TRIM24: variants seen among roughly 807,000 people sequenced by gnomAD.
The protein encoded by TRIM24 is transcription intermediary factor 1-alpha.
In TRIM24, 29 loss-of-function variants were observed where a neutral mutation model predicts 123.9. The ratio of observed to expected loss-of-function variants is 0.23; its 90% CI spans 0.17 to 0.32. TRIM24 has a LOEUF of 0.32. Among genes scored for constraint, TRIM24 ranks in the 10% least tolerant of loss-of-function variants. The probability of loss-of-function intolerance (pLI) is 1.00; values close to 1 mark genes in which losing one functional copy is unlikely to be tolerated. For synonymous variants in TRIM24, 456 were observed against 461.1 expected (o/e 0.99, Z 0.14); for missense variants, 932 against 1,295.3 (o/e 0.72, Z 4.31).
intron 2 of TRIM24, among the ~76,000 whole-genome samples, chr7:138,513,460 CA>C (rs1796330421): frequency 6.6e-6 from 1 of 152,130 alleles, no homozygotes; most frequent in South Asian, 2.1e-4. Flanking sequence ...CATGGTTCTT[CA>C]GGCTGTACAG....
rs569363208 is a variant in TRIM24, at chr7:138,536,728, A to G, written c.997-1929A>G. On this transcript the variant is annotated intron_variant, in intron 6 of 18. Coordinates refer to ENST00000343526, the MANE Select transcript of TRIM24 (RefSeq NM_015905.3). ...CAAACTCCGTGCTAGGAGAACCACT[A>G]CTCTCTTCAAAGCTGTCAGACAGGG... 8.6e-5 allele frequency among the ~76,000 whole-genome samples: 13 copies of G among 151,860 alleles called. No individual in the cohort carries two copies. The East Asian group carries it at 2.1e-3, about 25-fold the overall frequency.
chr7:138,560,552 T>C (rs1445928968), intron 9 of TRIM24, among the ~76,000 whole-genome samples: 3 of 152,122 alleles, frequency 2.0e-5, no homozygotes, highest in Non-Finnish European at 4.4e-5. Context: ...TTGCCGTGGG[T>C]TGTTCTGGGC....
rs377498624 is a variant in TRIM24 at position 138,524,774 on chromosome 7, G to A, written c.765-467G>A. On this transcript the variant is annotated intron_variant, in intron 4 of 18. Coordinates refer to ENST00000343526, the MANE Select transcript of TRIM24 (RefSeq NM_015905.3). ...CTGTTGCTTAAAAGTTTTATTACAA[G>A]GCATAACATCAAGAATTTTGCCCTT... 2.0e-4 allele frequency among the ~76,000 whole-genome samples: 31 copies of A among 152,078 alleles called. No homozygotes were observed. In the South Asian group the frequency reaches 4.6e-3, roughly 22 times the overall value.
In TRIM24 at chr7:138,589,795, A is replaced by T. The variant is rs559539926; in HGVS notation, c.*4844A>T. ...ATTTAGCTATGTTAATTCCACTTGT[A>T]AAGTTTGAAAGGTTTTGATTCTTGT... On this transcript the variant is annotated 3_prime_UTR_variant, in exon 19 of 19. Coordinates refer to ENST00000343526, the MANE Select transcript of TRIM24 (RefSeq NM_015905.3). 2 of 152,266 alleles carry T rather than the reference A, an allele frequency of 1.3e-5. No individual in the cohort carries two copies. The highest frequency in any genetic ancestry group is 4.1e-4 in the South Asian group (2 of 4,820). The allele number at this position is 152,266 out of a possible 1,614,324, so 9.4% of individuals were successfully genotyped here.
At chr7:138,488,453 T>C (rs962645380) in intron 1 of TRIM24, among the ~76,000 whole-genome samples, 5 of 152,216 alleles carry the variant, frequency 3.3e-5, no homozygotes, top group African/African-American at 1.2e-4. Flanking sequence ...GTGTCAGTTT[T>C]AGATCTTTCC....
intron 11 of TRIM24, 105 bp from the exon 12 acceptor site, chr7:138,573,402 T>C: frequency 9.2e-7 from 1 of 1,081,286 alleles, no homozygotes; most frequent in East Asian, 2.9e-5. Flanking sequence ...CTATGTTTTG[T>C]TATTCGATAA....
intron 7 of TRIM24, among the ~76,000 whole-genome samples, chr7:138,544,769 T>C (rs1200000829): frequency 6.6e-6 from 1 of 152,248 alleles, no homozygotes; most frequent in African/African-American, 2.4e-5. Flanking sequence ...TGATCAGTGA[T>C]GTGGAACATC....
intron 2 of TRIM24, among the ~76,000 whole-genome samples, chr7:138,508,656 A>G (rs1796199563): frequency 7.5e-6 from 1 of 132,598 alleles, no homozygotes; most frequent in African/African-American, 2.7e-5. Context: ...GGTGACTAAT[A>G]AGAGGAGTGT....
rs79442747 is a variant in TRIM24, at chr7:138,529,696, T to C, written c.996+466T>C. Among the ~76,000 whole-genome samples the C allele has an allele frequency of 4.0e-3, 602 of 152,306 alleles. 23 individuals are homozygous for C. In the East Asian group the frequency reaches 0.093, roughly 23 times the overall value. On this transcript the variant is annotated intron_variant, in intron 6 of 18. Transcript: ENST00000343526. The stretch of plus-strand genomic sequence containing the variant: ...GTAATTGTAATTGCGAGAGCAGCAC[T>C]TAGGGAGATATGCCCAAGGCACTTA...
chr7:138,494,089 A>T (rs1052473518), intron 1 of TRIM24, among the ~76,000 whole-genome samples: 4 of 151,780 alleles, frequency 2.6e-5, no homozygotes, highest in Non-Finnish European at 5.9e-5. Context: ...TCAAGTGATT[A>T]TCTCGCCTCA....
intron 2 of TRIM24, among the ~76,000 whole-genome samples, chr7:138,510,695 T>G (rs1796268197): frequency 6.6e-6 from 1 of 152,206 alleles, no homozygotes; most frequent in Admixed American, 6.5e-5. Context: ...GTGCTAAGAT[T>G]ACAGATGTGA....
chr7:138,571,967 A>G (rs1010076341), intron 11 of TRIM24, among the ~76,000 whole-genome samples: 5 of 152,224 alleles, frequency 3.3e-5, no homozygotes, highest in Non-Finnish European at 7.3e-5. Context: ...ATCTAAAGTT[A>G]GATAACCTAC....
chr7:138,469,181 T>A (rs1248941063), intron 1 of TRIM24, among the ~76,000 whole-genome samples: 1 of 152,204 alleles, frequency 6.6e-6, no homozygotes, highest in African/African-American at 2.4e-5. Context: ...TGTACCTTTT[T>A]AAATATACCC....
intron 1 of TRIM24, among the ~76,000 whole-genome samples, chr7:138,462,541 C>T (rs1240066822): frequency 6.6e-6 from 1 of 151,532 alleles, no homozygotes. Flanking sequence ...GGGGTTTCAC[C>T]GTGTTAGCCA....
In TRIM24 at chr7:138,554,939, C is replaced by T. The variant is rs777043033; in HGVS notation, c.1503C>T (p.Pro501=). 2 of 1,613,970 alleles carry T rather than the reference C, an allele frequency of 1.2e-6. No homozygotes were observed. Among genetic ancestry groups the T allele is most frequent in the African/African-American group, 2.7e-5 (2 of 74,924 alleles). The change falls in exon 9 of 19, where the codon CCC becomes CCT. Residue 501 remains proline, a synonymous_variant. Transcript: ENST00000343526. This position sits in a 1 kb window ranked among gnomAD's most constrained non-coding sequence, Gnocchi z 4.5. Reference sequence around the variant, plus strand: ...TACCAAACCCTAGAATGCAGGGGCCCATCCAGCAACCTTCCATCTCTCATC... The same window carrying T: ...TACCAAACCCTAGAATGCAGGGGCCTATCCAGCAACCTTCCATCTCTCATC... ...VGLPNPRMQG[P]IQQPSISHQQ...
rs2116630398 is a variant in TRIM24 at position 138,551,198 on chromosome 7, C to T, written c.1261+18C>T. 1.3e-6 allele frequency: 2 copies of T among 1,564,806 alleles called. No homozygotes were observed. Among genetic ancestry groups the T allele is most frequent in the East Asian group, 2.2e-5 (1 of 44,624 alleles). On this transcript the variant is annotated intron_variant, in intron 8 of 18. Transcript: ENST00000343526. ...CAACTTAGGTGGGCCATTACCATTA[C>T]ATACATTTCTCAGTGGCATTTGTCT...
At chr7:138,535,206 C>T (rs190710180) in intron 6 of TRIM24, among the ~76,000 whole-genome samples, 535 of 152,218 alleles carry the variant, frequency 3.5e-3, no homozygotes, top group African/African-American at 0.012. Flanking sequence ...GAGCATTTAG[C>T]CCATTTACAT....
At chr7:138,570,644 G>GC (rs1797634195) in intron 10 of TRIM24, among the ~76,000 whole-genome samples, 186 bp from the exon 11 acceptor site, 1 of 135,804 alleles carries the variant, frequency 7.4e-6, no homozygotes, top group African/African-American at 2.7e-5. Flanking sequence ...TACTGTTTTG[G>GC]TTTTTTTTTT....
At chr7:138,509,196 T>A (rs1224286361) in intron 2 of TRIM24, among the ~76,000 whole-genome samples, 8 of 151,354 alleles carry the variant, frequency 5.3e-5, no homozygotes. Context: ...TTATCCACCC[T>A]CCTCAGCCTC....
Sources: allele counts gnomAD v4.1 joint callset (sites outside exome capture counted in the v4.1 genomes callset), GRCh38; gene constraint gnomAD v4.1.1; non-coding constraint Gnocchi (gnomAD v3.1); transcripts MANE v1.5; gene names NCBI Gene and HGNC (gene_info 2026-07-23, HGNC 2026-07-21).